Variants in WNK1 observed in about 807,000 individuals in gnomAD.
The protein encoded by WNK1 is WNK lysine deficient protein kinase 1, also known as serine/threonine-protein kinase WNK1.
WNK1 carries 38 observed loss-of-function variants against 222.8 expected under a neutral mutation model. The ratio of observed to expected loss-of-function variants is 0.17; its 90% CI spans 0.13 to 0.22. The LOEUF is 0.22. Among genes scored for constraint, WNK1 ranks in the 10% least tolerant of loss-of-function variants. The probability of loss-of-function intolerance (pLI) is 1.00; values close to 1 mark genes in which losing one functional copy is unlikely to be tolerated. For missense variants in WNK1, 2,348 were observed against 2,918.4 expected, an observed-to-expected ratio of 0.80 and a Z score of 4.50; for synonymous variants, 1,090 against 1,092.9, an observed-to-expected ratio of 1.00 and a Z score of 0.05.
At chr12:858,603 A>G (rs1950962651) in intron 5 of WNK1, among the ~76,000 whole-genome samples, 1 of 152,180 alleles carries the variant, frequency 6.6e-6, no homozygotes, top group African/African-American at 2.4e-5. Context: ...ATTATTGAAC[A>G]AGGAATTAAG....
At chr12:862,041 CTT>C (rs750034510) in intron 7 of WNK1, 40 bp from the exon 8 acceptor site, 63 of 1,611,006 alleles carry the variant, frequency 3.9e-5, no homozygotes, top group Middle Eastern at 3.7e-4. Flanking sequence ...TGTGATTTGT[CTT>C]TCTCTCTCTC....
chr12:869,442 A>G (rs1315926467), intron 8 of WNK1, among the ~76,000 whole-genome samples: 2 of 152,216 alleles, frequency 1.3e-5, no homozygotes, highest in Non-Finnish European at 2.9e-5. Flanking sequence ...TTGACCCAGC[A>G]TTATTTAGGA....
chr12:827,748 C>T lies in WNK1; in HGVS notation c.1153+486C>T, dbSNP rs1000393455. ...TTCACCGTGTTGGCCAGGCTGGTCT[C>T]GAACTCCTGGCCTCAAGTGATCCAC... is the stretch of plus-strand genomic sequence containing the variant. On this transcript the variant is annotated intron_variant, in intron 3 of 27. Transcript: ENST00000315939. This position sits in a 1 kb window ranked among gnomAD's most constrained non-coding sequence, Gnocchi z 4.6. Among the ~76,000 whole-genome samples, 2 of 151,952 alleles carry T rather than the reference C, an allele frequency of 1.3e-5. No homozygotes were observed. The highest frequency in any genetic ancestry group is 2.4e-5 in the African/African-American group (1 of 41,370).
chr12:858,838 C>A (rs1201010667), intron 5 of WNK1, among the ~76,000 whole-genome samples: 1 of 152,060 alleles, frequency 6.6e-6, no homozygotes, highest in East Asian at 1.9e-4. Flanking sequence ...TTATAAAATG[C>A]TATATAAATG....
In WNK1 at chr12:867,986, G is replaced by T. The variant is rs760252086; in HGVS notation, c.2140-3279G>T. 1.2e-5 allele frequency: 20 copies of T among 1,613,984 alleles called. No individual in the cohort carries two copies. In the East Asian group the frequency reaches 4.0e-4, roughly 32 times the overall value. On this transcript the variant is annotated intron_variant, in intron 8 of 27. Coordinates refer to ENST00000315939, the MANE Select transcript of WNK1 (RefSeq NM_018979.4). ...ACCACCTCCCACCTGCCCACCGAAA[G>T]TAGCCATTTCCCAGCGGCGTAAGAG...
At chr12:774,500 G>A (rs1436220348) in intron 1 of WNK1, among the ~76,000 whole-genome samples, 2 of 152,192 alleles carry the variant, frequency 1.3e-5, no homozygotes, top group East Asian at 3.8e-4. Context: ...GCTTGGAATA[G>A]GAGAAGGGAA....
intron 22 of WNK1, among the ~76,000 whole-genome samples, chr12:892,063 C>CTT (rs56227513): frequency 1.9e-4 from 26 of 135,000 alleles, no homozygotes; most frequent in Non-Finnish European, 2.7e-4. Context: ...GCTTGGAAAT[C>CTT]TTTTTTTTTT....
chr12:832,031 T>C (rs1270051713), intron 4 of WNK1, among the ~76,000 whole-genome samples: 1 of 152,140 alleles, frequency 6.6e-6, no homozygotes, highest in East Asian at 1.9e-4. Context: ...CTTATTTAGA[T>C]TTTGATAGCT....
rs192092426 is a variant in WNK1, at chr12:770,060, G to A, written c.759+15736G>A. On this transcript the variant is annotated intron_variant, in intron 1 of 27. Transcript: ENST00000315939. Reference sequence around the variant, plus strand: ...GTGATCTCAGCCCACCACAACCTCCGCCTCCCAGGTTCAAGCGATTCTCCT... The same window carrying A: ...GTGATCTCAGCCCACCACAACCTCCACCTCCCAGGTTCAAGCGATTCTCCT... 1.2e-4 allele frequency among the ~76,000 whole-genome samples: 18 copies of A among 151,074 alleles called. No homozygotes were observed. In the East Asian group the frequency reaches 2.3e-3, roughly 20 times the overall value.
intron 9 of WNK1, among the ~76,000 whole-genome samples, chr12:873,130 A>G (rs1307965191): frequency 6.6e-6 from 1 of 152,238 alleles, no homozygotes; most frequent in African/African-American, 2.4e-5. Context: ...CTAATCTCCT[A>G]ACTTGCTTAT....
chr12:804,161 C>G (rs1478950537), intron 1 of WNK1, among the ~76,000 whole-genome samples: 1 of 152,140 alleles, frequency 6.6e-6, no homozygotes, highest in Non-Finnish European at 1.5e-5. Context: ...GTACTTCTCC[C>G]TAGTAACATC....
At chr12:848,571 C>T (rs1237040370) in intron 4 of WNK1, among the ~76,000 whole-genome samples, 1 of 125,918 alleles carries the variant, frequency 7.9e-6, no homozygotes, top group Non-Finnish European at 1.6e-5. Flanking sequence ...AGTCACAAAA[C>T]CATTTCCCAG....
At chr12:798,136 G>T (rs1211492863) in intron 1 of WNK1, among the ~76,000 whole-genome samples, 3 of 151,462 alleles carry the variant, frequency 2.0e-5, no homozygotes, top group African/African-American at 7.3e-5. Context: ...TCCTTGTTCT[G>T]CTTCCTGGTT....
intron 4 of WNK1, among the ~76,000 whole-genome samples, chr12:852,005 A>G (rs529470292): frequency 2.0e-5 from 3 of 152,266 alleles, no homozygotes; most frequent in African/African-American, 4.8e-5. Context: ...TGGTTAGGGA[A>G]AAGTTTACCT....
At chr12:839,487 G>A (rs531052410) in intron 4 of WNK1, among the ~76,000 whole-genome samples, 2 of 152,202 alleles carry the variant, frequency 1.3e-5, no homozygotes, top group South Asian at 4.2e-4. Context: ...TAAGAGAGAA[G>A]GCCAAAGTGG....
chr12:839,175 T>G (rs1039306755), intron 4 of WNK1, among the ~76,000 whole-genome samples: 1 of 152,158 alleles, frequency 6.6e-6, no homozygotes, highest in East Asian at 1.9e-4. Context: ...ACTAAGATAG[T>G]GTTATATATG....
chr12:794,593 G>T (rs1297609664), intron 1 of WNK1, among the ~76,000 whole-genome samples: 1 of 151,956 alleles, frequency 6.6e-6, no homozygotes, highest in Non-Finnish European at 1.5e-5. Context: ...ACTGTATGGG[G>T]TGTACTACAC....
In WNK1 at chr12:896,353, G is replaced by T; in HGVS notation, c.5866G>T (p.Gly1956Cys). ...GGTGACAACTACAGCAAACAAAGTG[G>T]GTCGTTTCTCTGTATCAAAAACTGA... ...FQVTTTANKVGRFSVSKTEDK... is the reference protein window; with the variant it reads ...FQVTTTANKVCRFSVSKTEDK... The change falls in exon 24 of 28, where the codon GGT (glycine) becomes TGT (cysteine). Residue 1956 changes from glycine to cysteine, a missense_variant. Around this residue, in one of 13 missense-constraint regions of WNK1, gnomAD observed 1,144 missense variants for 1,273.6 expected, o/e 0.90. Transcript: ENST00000315939. 1 of 1,614,154 alleles carries T rather than the reference G, an allele frequency of 6.2e-7. No homozygotes were observed. Among genetic ancestry groups the T allele is most frequent in the African/African-American group, 1.3e-5 (1 of 75,010 alleles).
At chr12:785,014 G>A (rs1944126187) in intron 1 of WNK1, among the ~76,000 whole-genome samples, 1 of 152,070 alleles carries the variant, frequency 6.6e-6, no homozygotes. Flanking sequence ...AGGTAGTTCG[G>A]ATAACAAATT....
Sources: allele counts gnomAD v4.1 joint callset (sites outside exome capture counted in the v4.1 genomes callset), GRCh38; gene constraint gnomAD v4.1.1; regional missense constraint gnomAD v4.1.1; non-coding constraint Gnocchi (gnomAD v3.1); transcripts MANE v1.5; gene names NCBI Gene and HGNC (gene_info 2026-07-23, HGNC 2026-07-21).